SLC9A9: variants seen among roughly 807,000 people sequenced by gnomAD.
The protein encoded by SLC9A9 is solute carrier family 9 member A9.
SLC9A9 carries 62 observed loss-of-function variants against 77.8 expected under a neutral mutation model. That is an observed-to-expected ratio of 0.80 (90% CI 0.65 to 0.98). The LOEUF is 0.98. Ranked by LOEUF, SLC9A9 falls within the 50% of genes least tolerant of loss-of-function variation. SLC9A9 has a pLI of 0.00. For synonymous variants in SLC9A9, 320 were observed against 283.5 expected (o/e 1.13, Z -1.29); for missense variants, 775 against 774.9 (o/e 1.00, Z 0.00).
chr3:143,660,021 C>T (rs2038956193), intron 5 of SLC9A9, among the ~76,000 whole-genome samples: 2 of 152,194 alleles, frequency 1.3e-5, no homozygotes. Flanking sequence ...CTTCATTTGC[C>T]TTCCACCATG....
chr3:143,669,314 C>G (rs533866713), intron 5 of SLC9A9, among the ~76,000 whole-genome samples: 2 of 152,306 alleles, frequency 1.3e-5, no homozygotes, highest in South Asian at 4.1e-4. Context: ...AACTTCCATC[C>G]TATACGTCTT....
intron 5 of SLC9A9, among the ~76,000 whole-genome samples, chr3:143,691,955 G>C (rs965734030): frequency 2.3e-4 from 35 of 152,074 alleles, no homozygotes; most frequent in Non-Finnish European, 2.9e-5. Context: ...GGATCAGGCT[G>C]ACAGCTCAGT....
chr3:143,483,556 T>C (rs1224960184), intron 11 of SLC9A9, among the ~76,000 whole-genome samples: 1 of 152,158 alleles, frequency 6.6e-6, no homozygotes, highest in Non-Finnish European at 1.5e-5. Context: ...TTTGAGGCCT[T>C]TTTAAAGAAA....
intron 14 of SLC9A9, among the ~76,000 whole-genome samples, chr3:143,340,087 T>C (rs2032052280): frequency 6.6e-6 from 1 of 152,192 alleles, no homozygotes; most frequent in South Asian, 2.1e-4. Context: ...ATTAAACTGA[T>C]GTTAGAAGCC....
intron 13 of SLC9A9, among the ~76,000 whole-genome samples, chr3:143,368,749 A>G (rs1040147320): frequency 1.3e-5 from 2 of 152,352 alleles, no homozygotes; most frequent in African/African-American, 2.4e-5. Context: ...GTATATTTGT[A>G]TAACAATTTC....
At chr3:143,626,272 A>G (rs1421042247) in intron 6 of SLC9A9, among the ~76,000 whole-genome samples, 1 of 152,332 alleles carries the variant, frequency 6.6e-6, no homozygotes, top group South Asian at 2.1e-4. Context: ...CTGGGTATAC[A>G]CCCAAAGGAT....
intron 6 of SLC9A9, among the ~76,000 whole-genome samples, chr3:143,629,562 C>CGTGT (rs1013571613): frequency 2.7e-5 from 4 of 149,798 alleles, no homozygotes; most frequent in African/African-American, 7.4e-5. Flanking sequence ...AGTATATGTG[C>CGTGT]GTGTGTGTGC....
intron 5 of SLC9A9, among the ~76,000 whole-genome samples, chr3:143,660,589 C>A (rs1649211957): frequency 6.6e-6 from 1 of 152,212 alleles, no homozygotes; most frequent in African/African-American, 2.4e-5. Context: ...AACTGTGAGA[C>A]AATATGTTTG....
At chr3:143,283,132 T>G (rs980824929) in intron 14 of SLC9A9, among the ~76,000 whole-genome samples, 10 of 152,248 alleles carry the variant, frequency 6.6e-5, no homozygotes, top group Admixed American at 6.5e-4. Flanking sequence ...TCCTCAATGT[T>G]TGTTGAATTG....
chr3:143,846,504 C>T (rs1015583385), intron 1 of SLC9A9, among the ~76,000 whole-genome samples: 4 of 152,074 alleles, frequency 2.6e-5, no homozygotes, highest in African/African-American at 9.7e-5. Flanking sequence ...ATTTCTCTCC[C>T]ACCTGATTGT....
At chr3:143,333,868 TC>T (rs1559871940) in intron 14 of SLC9A9, among the ~76,000 whole-genome samples, 1 of 151,940 alleles carries the variant, frequency 6.6e-6, no homozygotes, top group East Asian at 1.9e-4. Flanking sequence ...ACCTTGTCTT[TC>T]CAGTTGTTTT....
intron 8 of SLC9A9, among the ~76,000 whole-genome samples, chr3:143,566,003 C>A (rs139205206): frequency 2.1e-4 from 32 of 152,238 alleles, no homozygotes; most frequent in African/African-American, 7.7e-4. Flanking sequence ...ACATTCACCT[C>A]TGAGCTAAAA....
intron 14 of SLC9A9, among the ~76,000 whole-genome samples, chr3:143,360,056 G>A (rs2032701626): frequency 6.6e-6 from 1 of 152,192 alleles, no homozygotes; most frequent in Non-Finnish European, 1.5e-5. Context: ...TAGAGTAAGA[G>A]ATATCATGGA....
intron 14 of SLC9A9, among the ~76,000 whole-genome samples, chr3:143,269,257 T>C (rs1024462945): frequency 3.3e-5 from 5 of 152,236 alleles, no homozygotes; most frequent in Admixed American, 2.6e-4. Flanking sequence ...CCCAACTCAA[T>C]GTCTCATTTG....
At chr3:143,574,506 A>G (rs6763515) in intron 7 of SLC9A9, among the ~76,000 whole-genome samples, 29,154 of 152,080 alleles carry the variant, frequency 0.19, 3,957 homozygotes, top group African/African-American at 0.38. Context: ...CCCCTCAGGA[A>G]AGGTGTAGCA....
chr3:143,743,947 C>T (rs549769276), intron 4 of SLC9A9, among the ~76,000 whole-genome samples: 5 of 152,232 alleles, frequency 3.3e-5, no homozygotes, highest in South Asian at 2.1e-4. Flanking sequence ...CTTAATAACT[C>T]CTGACACTTT....
chr3:143,699,992 G>A (rs1228640175), intron 4 of SLC9A9, among the ~76,000 whole-genome samples: 2 of 151,882 alleles, frequency 1.3e-5, no homozygotes, highest in African/African-American at 4.8e-5. Flanking sequence ...TTGGATATCA[G>A]CACAGCCACA....
intron 5 of SLC9A9, among the ~76,000 whole-genome samples, chr3:143,692,469 T>C (rs1014554535): frequency 1.3e-5 from 2 of 152,172 alleles, no homozygotes; most frequent in Non-Finnish European, 2.9e-5. Context: ...CCAGTCATGA[T>C]GAGAGAGTGG....
chr3:143,766,117 G>A (rs1326597955), intron 4 of SLC9A9, among the ~76,000 whole-genome samples: 1 of 152,190 alleles, frequency 6.6e-6, no homozygotes, highest in East Asian at 1.9e-4. Flanking sequence ...TTAAGCTACT[G>A]AGTTCTGTGG....
Sources: gnomAD v4.1 joint callset for allele counts (sites outside exome capture counted in the v4.1 genomes callset) on GRCh38, gnomAD v4.1.1 for gene constraint, MANE v1.5 for transcripts, NCBI Gene and HGNC (gene_info 2026-07-23, HGNC 2026-07-21) for gene names.